The following CHN2 variants were observed in gnomAD, a reference collection of about 807,000 sequenced individuals.
CHN2 encodes the protein beta-chimaerin.
A neutral mutation model predicts 56.3 loss-of-function variants in CHN2; 35 were observed. The observed-to-expected ratio is 0.62, with a 90% CI of 0.47 to 0.82. CHN2 has a LOEUF of 0.82. Among genes scored for constraint, CHN2 ranks in the 40% least tolerant of loss-of-function variants. CHN2 has a pLI of 0.00. For synonymous variants in CHN2, 210 were observed against 212.8 expected, an observed-to-expected ratio of 0.99 and a Z score of 0.12; for missense variants, 491 against 580.5, an observed-to-expected ratio of 0.85 and a Z score of 1.58.
In CHN2 at chr7:29,466,833, CTG is replaced by C. The variant is rs1004496041; in HGVS notation, c.577-13445_577-13444del. ...CTCCTAGTTCAAATACAAAACAAAA[CTG>C]GGAAAAAATATTTTGTTTTTCTGTG... On this transcript the variant is annotated intron_variant, in intron 6 of 12. Transcript: ENST00000222792. 4.6e-5 allele frequency among the ~76,000 whole-genome samples: 7 copies of C among 152,170 alleles called. 1 individual carries two copies. In the South Asian group the frequency reaches 8.3e-4, roughly 18 times the overall value.
chr7:29,413,610 T>C (rs1803452637), intron 6 of CHN2, among the ~76,000 whole-genome samples: 1 of 152,210 alleles, frequency 6.6e-6, no homozygotes, highest in South Asian at 2.1e-4. Flanking sequence ...AACTTCATTG[T>C]TCCTCCTCTT....
At chr7:29,425,203 C>G (rs988930149) in intron 6 of CHN2, among the ~76,000 whole-genome samples, 6 of 152,220 alleles carry the variant, frequency 3.9e-5, no homozygotes, top group African/African-American at 1.4e-4. Flanking sequence ...TATGGCACTT[C>G]AGACCAGTAA....
At chr7:29,401,407 A>G (rs1399894304) in intron 6 of CHN2, 2 of 147,252 alleles carry the variant, frequency 1.4e-5, no homozygotes, top group African/African-American at 2.6e-5. Context: ...AGTTTGAAAG[A>G]AAAAAAAAAC....
intron 2 of CHN2, chr7:29,147,217 C>T: frequency 2.0e-6 from 1 of 494,222 alleles, no homozygotes; most frequent in East Asian, 3.8e-5. Context: ...AAGGAGGTTG[C>T]AATGGCAAGT....
intron 2 of CHN2, among the ~76,000 whole-genome samples, chr7:29,361,965 TC>T (rs780297582): frequency 4.3e-4 from 65 of 152,286 alleles, no homozygotes; most frequent in Admixed American, 9.8e-4. Context: ...TCTCCAGTGT[TC>T]CCCATGTCTG....
rs1158815917 is a variant in CHN2, at chr7:29,305,944, T to G, written c.50-48681T>G. Among the ~76,000 whole-genome samples, 5 of 144,874 alleles carry G rather than the reference T, an allele frequency of 3.5e-5. No individual in the cohort carries two copies. In the East Asian group the frequency reaches 9.9e-4, roughly 29 times the overall value. On this transcript the variant is annotated intron_variant, in intron 1 of 12. Coordinates refer to ENST00000222792, the MANE Select transcript of CHN2 (RefSeq NM_004067.4). ...GACACATGCTTACTTGAATCTTTAT[T>G]ACTATATTAGATTTCTGTGTTTCAT...
intron 2 of CHN2, among the ~76,000 whole-genome samples, chr7:29,361,159 A>G (rs1798702384): frequency 6.6e-6 from 1 of 152,236 alleles, no homozygotes; most frequent in South Asian, 2.1e-4. Flanking sequence ...ACATTATTGC[A>G]TGTGACTTGT....
Position 29,513,488 on chromosome 7 carries a change from A to G in CHN2, c.*753A>G, listed in dbSNP as rs1452712955. The stretch of plus-strand genomic sequence containing the variant: ...TACAAATTTTGTGAATTCCCAAAGT[A>G]TGCTTTGGAATTGGTCATAGTCTTT... On this transcript the variant is annotated 3_prime_UTR_variant, in exon 13 of 13. Coordinates refer to ENST00000222792, the MANE Select transcript of CHN2 (RefSeq NM_004067.4). 6.6e-6 allele frequency: 1 copy of G among 152,290 alleles called. No homozygotes were observed. Among genetic ancestry groups the G allele is most frequent in the East Asian group, 1.9e-4 (1 of 5,198 alleles). 9.4% of individuals were successfully genotyped at this position (152,290 alleles called of 1,614,324 possible).
chr7:29,487,066 T>C (rs1788103263), intron 7 of CHN2, among the ~76,000 whole-genome samples: 1 of 152,168 alleles, frequency 6.6e-6, no homozygotes, highest in African/African-American at 2.4e-5. Flanking sequence ...CTTGCCTTCT[T>C]ATCAAGCTCC....
At chr7:29,183,506 A>T (rs1387846106) in intron 2 of CHN2, among the ~76,000 whole-genome samples, 1 of 151,398 alleles carries the variant, frequency 6.6e-6, no homozygotes, top group African/African-American at 2.4e-5. Context: ...CCTCCCAAGT[A>T]GCTGGGTTTA....
At chr7:29,210,031 G>T (rs2128778550) in intron 1 of CHN2, among the ~76,000 whole-genome samples, 1 of 152,224 alleles carries the variant, frequency 6.6e-6, no homozygotes, top group South Asian at 2.1e-4. Flanking sequence ...TTATCATTTT[G>T]TGACTTTGAT....
chr7:29,248,879 G>A (rs1042149677), intron 1 of CHN2, among the ~76,000 whole-genome samples: 27 of 152,176 alleles, frequency 1.8e-4, no homozygotes, highest in African/African-American at 6.3e-4. Context: ...CTGTGTCTCT[G>A]TCATGCCATT....
Position 29,223,166 on chromosome 7 carries a change from C to T in CHN2, c.49+28176C>T, listed in dbSNP as rs550534342. Among the ~76,000 whole-genome samples the T allele has an allele frequency of 3.9e-5, 6 of 152,284 alleles. No individual in the cohort carries two copies. In the South Asian group the frequency reaches 1.2e-3, roughly 32 times the overall value. ...AATAACAATGATATATCACCACCCA[C>T]CCACCAGAATTGCTAACATGTAAAA... On this transcript the variant is annotated intron_variant, in intron 1 of 12. Coordinates refer to ENST00000222792, the MANE Select transcript of CHN2 (RefSeq NM_004067.4).
intron 1 of CHN2, chr7:29,213,044 A>C: frequency 6.2e-7 from 1 of 1,607,248 alleles, no homozygotes; most frequent in Non-Finnish European, 8.5e-7. Context: ...GAATCTCTGC[A>C]GTCCTGCATG....
intron 1 of CHN2, among the ~76,000 whole-genome samples, chr7:29,265,872 T>A (rs1424426296): frequency 3.3e-5 from 5 of 152,130 alleles, no homozygotes; most frequent in African/African-American, 1.2e-4. Flanking sequence ...AGGTAAAAAT[T>A]TGACTGTCAC....
chr7:29,503,161 A>AG (rs1790159692), intron 9 of CHN2, among the ~76,000 whole-genome samples: 2 of 152,296 alleles, frequency 1.3e-5, no homozygotes, highest in South Asian at 4.1e-4. Context: ...GAAATAATTA[A>AG]GGCTAAATGA....
intron 6 of CHN2, among the ~76,000 whole-genome samples, chr7:29,428,689 A>AT (rs1390219070): frequency 2.6e-5 from 4 of 152,152 alleles, no homozygotes; most frequent in African/African-American, 7.2e-5. Flanking sequence ...TACTTTTGTC[A>AT]TTTTTTTGTT....
intron 1 of CHN2, among the ~76,000 whole-genome samples, chr7:29,301,367 AC>A: frequency 6.6e-6 from 1 of 151,606 alleles, no homozygotes; most frequent in Non-Finnish European, 1.5e-5. Flanking sequence ...ACACACACAC[AC>A]ACACACACAC....
At chr7:29,250,711 C>CTTT (rs529820110) in intron 1 of CHN2, among the ~76,000 whole-genome samples, 6 of 110,216 alleles carry the variant, frequency 5.4e-5, no homozygotes, top group Non-Finnish European at 1.1e-4. Context: ...TGAACTTCTT[C>CTTT]TTTTTTTTTT....
Sources: gnomAD v4.1 joint callset for allele counts (sites outside exome capture counted in the v4.1 genomes callset) on GRCh38, gnomAD v4.1.1 for gene constraint, MANE v1.5 for transcripts, NCBI Gene and HGNC (gene_info 2026-07-23, HGNC 2026-07-21) for gene names.